The following PIM2 variants were observed in gnomAD, a reference collection of about 807,000 sequenced individuals.
PIM2 encodes the protein Pim-2 proto-oncogene, serine/threonine kinase.
In PIM2, 3 loss-of-function variants were observed where a neutral mutation model predicts 18.0. The observed-to-expected ratio is 0.17, with a 90% CI of 0.08 to 0.43. PIM2 has a LOEUF of 0.43. PIM2 is among the 20% of genes least tolerant of loss of function. The pLI is 0.99. For missense variants in PIM2, 181 were observed against 260.8 expected, an observed-to-expected ratio of 0.69 and a Z score of 2.11; for synonymous variants, 117 against 105.3, an observed-to-expected ratio of 1.11 and a Z score of -0.68.
rs782795707 is a variant in PIM2, at chrX:48,915,426, GA to G, written c.223-35del. On this transcript the variant is annotated intron_variant, in intron 3 of 5. Coordinates refer to ENST00000376509, the MANE Select transcript of PIM2 (RefSeq NM_006875.4). The stretch of plus-strand genomic sequence containing the variant: ...ACAGGTGGGGTGGGAAGCAGGGAGA[GA>G]AAAAAGACAGATGTCAGGGCAACAG... 18 of 1,162,766 alleles carry G rather than the reference GA, an allele frequency of 1.5e-5. No individual in the cohort carries two copies. In the African/African-American group the frequency reaches 1.8e-4, roughly 12 times the overall value.
At position 48,915,162 on chromosome X, in the gene PIM2, G is replaced by T; in HGVS notation, c.453C>A (p.Ile151=). The change falls in exon 4 of 6, where the codon ATC becomes ATA. Residue 151 remains isoleucine (I), a synonymous_variant. Transcript: ENST00000376509. ...CAACTCCACGGGAATGGCAGTGCTGGATGGCTGCCACTACTTGGCCAAAGA... is the reference window on the plus strand; with the variant it reads ...CAACTCCACGGGAATGGCAGTGCTGTATGGCTGCCACTACTTGGCCAAAGA... ...RCFFGQVVAA[I]QHCHSRGVVH... 4.1e-6 allele frequency: 5 copies of T among 1,212,063 alleles called. No individual in the cohort carries two copies. Among genetic ancestry groups the T allele is most frequent in the Non-Finnish European group, 5.6e-6 (5 of 895,385 alleles).
Position 48,918,985 on chromosome X carries a change from A to G in PIM2, c.-151T>C. The G allele has an allele frequency of 4.3e-6, 2 of 469,560 alleles. No homozygotes were observed. The highest frequency in any genetic ancestry group is 7.2e-6 in the Non-Finnish European group (2 of 278,516). 38.7% of individuals were successfully genotyped at this position (469,560 alleles called of 1,213,427 possible). A position where few individuals can be genotyped will look rare whatever the true frequency, so the allele number is the denominator to read the frequency against. The stretch of plus-strand genomic sequence containing the variant: ...GCCCGGAAGCGCCCGCAGACGGCGC[A>G]GCGTTGAGATTCGCCGCGCGCGCCA... On this transcript the variant is annotated 5_prime_UTR_variant, in exon 1 of 6. Coordinates refer to ENST00000376509, the MANE Select transcript of PIM2 (RefSeq NM_006875.4).
chrX:48,915,337 C>G lies in PIM2; in HGVS notation c.278G>C (p.Gly93Ala), dbSNP rs782799320. 8.3e-7 allele frequency: 1 copy of G among 1,209,005 alleles called. No homozygotes were observed. Among genetic ancestry groups the G allele is most frequent in the Non-Finnish European group, 1.1e-6 (1 of 893,585 alleles). ...EVALLWKVGA[G>A]GGHPGVIRLL... ...GCGGATCACGCCAGGGTGCCCACCA[C>G]CTGCACCCACTTTCCATAGCAGTGC... Residue 93 changes from glycine (G) to alanine (A), a missense_variant, in exon 4 of 6, where the codon GGT becomes GCT. Physicochemically the swap from Gly to Ala is moderately conservative, Grantham distance 60. Around this residue, in one of 5 missense-constraint regions of PIM2, gnomAD observed 104 missense variants for 125.3 expected, o/e 0.83. Coordinates refer to ENST00000376509, the MANE Select transcript of PIM2 (RefSeq NM_006875.4).
chrX:48,918,261 C>T (rs1033852134), intron 2 of PIM2, among the ~76,000 whole-genome samples: 2 of 102,178 alleles, frequency 2.0e-5, no homozygotes, highest in South Asian at 9.6e-4. Flanking sequence ...ACAGCCTGGA[C>T]CCCGGGGTCA....
intron 2 of PIM2, 34 bp downstream of exon 2, chrX:48,918,502 C>T: frequency 1.9e-6 from 2 of 1,057,618 alleles, no homozygotes; most frequent in Non-Finnish European, 2.6e-6. Flanking sequence ...CCGCCACACG[C>T]ACCTGACCCT....
rs1404117624 is a variant in PIM2, at chrX:48,918,700, ACTCC to A, written c.62-59_62-56del. On this transcript the variant is annotated intron_variant, in intron 1 of 5. Transcript: ENST00000376509. The stretch of plus-strand genomic sequence containing the variant: ...TGGCGGCGTGCTGAGCCCAGCCACG[ACTCC>A]CTCCCCCCGCGCTGCAACCCATCAT... The A allele has an allele frequency of 3.6e-6, 4 of 1,106,305 alleles. No homozygotes were observed. In the Admixed American group the frequency reaches 9.7e-5, roughly 27 times the overall value. 91.2% of individuals were successfully genotyped at this position (1,106,305 alleles called of 1,213,427 possible).
intron 3 of PIM2, chrX:48,915,621 A>G: frequency 2.7e-6 from 1 of 376,413 alleles, no homozygotes; most frequent in Middle Eastern, 7.2e-4. Context: ...CATGTCGTAG[A>G]TCAATAAACA....
Position 48,913,989 on chromosome X carries a change from C to CA in PIM2, c.*141dup. 2 of 433,003 alleles carry CA rather than the reference C, an allele frequency of 4.6e-6. No homozygotes were observed. Among genetic ancestry groups the CA allele is most frequent in the Non-Finnish European group, 8.0e-6 (2 of 250,927 alleles). The allele number at this position is 433,003 out of a possible 1,213,427, so 35.7% of individuals were successfully genotyped here. ...TTTATGTCTTCTAACCCCTGATCCT[C>CA]AATCCCTTACCTTAGTAATACTGGA... is the stretch of plus-strand genomic sequence containing the variant. On this transcript the variant is annotated 3_prime_UTR_variant, in exon 6 of 6. Transcript: ENST00000376509.
Position 48,914,178 on chromosome X carries a change from G to A in PIM2, c.889C>T (p.Pro297Ser). 1 of 1,169,340 alleles carries A rather than the reference G, an allele frequency of 8.6e-7. No individual in the cohort carries two copies. The highest frequency in any genetic ancestry group is 1.1e-6 in the Non-Finnish European group (1 of 874,841). The change falls in exon 6 of 6, where the codon CCC (proline) becomes TCC (serine). Residue 297 changes from proline (P) to serine (S), a missense_variant. Coordinates refer to ENST00000376509, the MANE Select transcript of PIM2 (RefSeq NM_006875.4). The part of the protein sequence containing the change: ...QTPAEDVPLN[P>S]SKGGPAPLAW... ...AAAGGGGCAGGGCCTCCTTTGGAGG[G>A]GTTGAGGGGTACATCCTCGGCTGGT...
chrX:48,918,706 T>C, intron 1 of PIM2, 61 bp from the exon 2 acceptor site: 3 of 1,110,430 alleles, frequency 2.7e-6, no homozygotes, highest in Non-Finnish European at 3.7e-6. Context: ...CACGACTCCC[T>C]CCCCCCGCGC....
rs782074102 is a variant in PIM2 at position 48,915,326 on chromosome X, G to A, written c.289C>T (p.Pro97Ser). The A allele has an allele frequency of 1.7e-6, 2 of 1,210,410 alleles. No individual in the cohort carries two copies. Among genetic ancestry groups the A allele is most frequent in the Middle Eastern group, 2.3e-4 (1 of 4,342 alleles). The change falls in exon 4 of 6, where the codon CCT becomes TCT. Residue 97 changes from proline (P) to serine (S), a missense_variant. Pro to Ser is a moderately conservative substitution (Grantham distance 74). Coordinates refer to ENST00000376509, the MANE Select transcript of PIM2 (RefSeq NM_006875.4). ...LWKVGAGGGH[P>S]GVIRLLDWFE... ...CAGTCAAGCAGGCGGATCACGCCAG[G>A]GTGCCCACCACCTGCACCCACTTTC... is the stretch of plus-strand genomic sequence containing the variant.
intron 3 of PIM2, among the ~76,000 whole-genome samples, chrX:48,917,252 G>A (rs2063565550): frequency 9.0e-6 from 1 of 111,585 alleles, no homozygotes; most frequent in African/African-American, 3.3e-5. Flanking sequence ...AACCTTCTGG[G>A]ATGAGGTAGA....
chrX:48,918,788 G>T lies in PIM2; in HGVS notation c.47C>A (p.Pro16His), dbSNP rs1557045579. The T allele has an allele frequency of 1.7e-6, 2 of 1,193,049 alleles. No individual in the cohort carries two copies. The highest frequency in any genetic ancestry group is 2.2e-6 in the Non-Finnish European group (2 of 889,043). ...LQGPPAPPGT[P>H]TPPPGGKDRE... ...GATGTACTCACCTGGCGGCGGCGTGGGGGTCCCGGGGGGCGCGGGAGGCCC... is the reference window on the plus strand; with the variant it reads ...GATGTACTCACCTGGCGGCGGCGTGTGGGTCCCGGGGGGCGCGGGAGGCCC... The change falls in exon 1 of 6, where the codon CCC (proline) becomes CAC (histidine). Residue 16 changes from proline to histidine, a missense_variant. Coordinates refer to ENST00000376509, the MANE Select transcript of PIM2 (RefSeq NM_006875.4).
Position 48,914,085 on chromosome X carries a change from G to T in PIM2, c.*46C>A, listed in dbSNP as rs1557044909. The T allele has an allele frequency of 1.2e-6, 1 of 812,704 alleles. No individual in the cohort carries two copies. The highest frequency in any genetic ancestry group is 3.5e-5 in the East Asian group (1 of 28,713). The allele number at this position is 812,704 out of a possible 1,213,427, so 67.0% of individuals were successfully genotyped here. ...CATCTATCCCTGTGACATGGCCATG[G>T]GATGGCTCTTCTGACCATTGGGGGC... On this transcript the variant is annotated 3_prime_UTR_variant, in exon 6 of 6. Transcript: ENST00000376509.
rs781824342 is a variant in PIM2, at chrX:48,918,663, AG to A, written c.62-19del. The A allele has an allele frequency of 8.6e-7, 1 of 1,160,533 alleles. No homozygotes were observed. Among genetic ancestry groups the A allele is most frequent in the Non-Finnish European group, 1.2e-6 (1 of 853,521 alleles). On this transcript the variant is annotated intron_variant, in intron 1 of 5. Coordinates refer to ENST00000376509, the MANE Select transcript of PIM2 (RefSeq NM_006875.4). ...CTTGCCTCCTACGCAGGCGGAGGCG[AG>A]GAAGTCAGGGTGGCGGCGTGCTGAG...
chrX:48,914,543 C>G lies in PIM2; in HGVS notation c.624G>C (p.Trp208Cys). 8.3e-7 allele frequency: 1 copy of G among 1,209,983 alleles called. No individual in the cohort carries two copies. The highest frequency in any genetic ancestry group is 1.1e-6 in the Non-Finnish European group (1 of 894,854). ...GTGCATGGTACTGGTGTCGAGAGATCCACTCTGGGGGGCTGTACACCCTTG... is the reference window on the plus strand; with the variant it reads ...GTGCATGGTACTGGTGTCGAGAGATGCACTCTGGGGGGCTGTACACCCTTG... ...DGTRVYSPPEWISRHQYHALP... is the reference protein window; with the variant it reads ...DGTRVYSPPECISRHQYHALP... Residue 208 changes from tryptophan to cysteine, a missense_variant, in exon 5 of 6, where the codon TGG becomes TGC. Trp to Cys is a radical substitution (Grantham distance 215). Transcript: ENST00000376509.
chrX:48,915,117 A>G lies in PIM2; in HGVS notation c.498T>C (p.Asp166=), dbSNP rs2063559376. The change falls in exon 4 of 6, where the codon GAT becomes GAC. Residue 166 remains aspartate, a synonymous_variant. Transcript: ENST00000376509. ...SRGVVHRDIK[D]ENILIDLRRG... is the part of the protein sequence containing the mutation. Reference sequence around the variant, plus strand: ...GGCGTAGGTCTATCAGGATGTTCTCATCCTTGATGTCACGATGGACAACTC... The same window carrying G: ...GGCGTAGGTCTATCAGGATGTTCTCGTCCTTGATGTCACGATGGACAACTC... 1.7e-6 allele frequency: 2 copies of G among 1,210,265 alleles called. No homozygotes were observed. The highest frequency in any genetic ancestry group is 1.7e-5 in the African/African-American group (1 of 57,413).
chrX:48,916,954 A>T (rs1448296967), intron 3 of PIM2, among the ~76,000 whole-genome samples: 2 of 110,534 alleles, frequency 1.8e-5, no homozygotes, highest in Non-Finnish European at 1.9e-5. Context: ...CAGCAGTTCA[A>T]AACCCGCCTG....
At chrX:48,916,323 G>A (rs2063562647) in intron 3 of PIM2, among the ~76,000 whole-genome samples, 1 of 112,883 alleles carries the variant, frequency 8.9e-6, no homozygotes, top group Non-Finnish European at 1.9e-5. Flanking sequence ...TTGTTAAACA[G>A]CTGAGTGATT....
Sources: allele counts gnomAD v4.1 joint callset (sites outside exome capture counted in the v4.1 genomes callset), GRCh38; gene constraint gnomAD v4.1.1; regional missense constraint gnomAD v4.1.1; transcripts MANE v1.5; gene names NCBI Gene and HGNC (gene_info 2026-07-23, HGNC 2026-07-21).